The following STK33 variants were observed in gnomAD, a reference collection of about 807,000 sequenced individuals.
STK33 encodes the protein serine/threonine kinase 33.
In STK33, 52 loss-of-function variants were observed where a neutral mutation model predicts 58.0. That is an observed-to-expected ratio of 0.90 (90% CI 0.72 to 1.13). STK33 has a LOEUF of 1.13. Ranked by LOEUF, STK33 falls within the 50% of genes most tolerant of loss-of-function variation. The pLI is 0.00. For missense variants in STK33, 630 were observed against 604.2 expected (o/e 1.04, Z -0.45); for synonymous variants, 215 against 200.1 (o/e 1.07, Z -0.63).
chr11:8,495,032 T>C (rs891804084), intron 1 of STK33, among the ~76,000 whole-genome samples: 92 of 152,140 alleles, frequency 6.0e-4, no homozygotes, highest in African/African-American at 2.0e-3. Flanking sequence ...GACATAGGCA[T>C]GGGCAAAGAA....
intron 7 of STK33, among the ~76,000 whole-genome samples, chr11:8,464,246 G>A (rs913055449): frequency 1.6e-4 from 25 of 152,070 alleles, no homozygotes; most frequent in African/African-American, 6.0e-4. Context: ...GTTAGTTGAA[G>A]CAAAAAGTGG....
chr11:8,356,441 G>A, the STK33 span, among the ~76,000 whole-genome samples: 1 of 152,190 alleles, frequency 6.6e-6, no homozygotes, highest in Non-Finnish European at 1.5e-5. Context: ...GAGGACCGAC[G>A]GCTCGCCACT....
intron 11 of STK33, among the ~76,000 whole-genome samples, chr11:8,442,553 T>C (rs1187314585): frequency 6.6e-6 from 1 of 152,212 alleles, no homozygotes; most frequent in African/African-American, 2.4e-5. Context: ...ACAAACCATC[T>C]GTCTTCTCTC....
the STK33 span, among the ~76,000 whole-genome samples, chr11:8,358,024 G>A: frequency 1.5e-4 from 23 of 152,328 alleles, no homozygotes; most frequent in Non-Finnish European, 2.8e-4. Context: ...CCCCATACAG[G>A]CTCCTGGTGT....
chr11:8,478,574 TAC>T (rs1949500073), intron 2 of STK33, among the ~76,000 whole-genome samples: 1 of 152,182 alleles, frequency 6.6e-6, no homozygotes. Context: ...CCCTAGAAGA[TAC>T]ACTTACAGCA....
At chr11:8,547,298 TC>T (rs1955999724) in intron 1 of STK33, among the ~76,000 whole-genome samples, 1 of 152,232 alleles carries the variant, frequency 6.6e-6, no homozygotes, top group African/African-American at 2.4e-5. Flanking sequence ...CACTGAAACC[TC>T]CGCCTCCCGG....
At chr11:8,353,001 C>A in the STK33 span, among the ~76,000 whole-genome samples, 57,844 of 152,030 alleles carry the variant, frequency 0.38, 11,292 homozygotes, top group Admixed American at 0.48. Flanking sequence ...CCTGGCCCCG[C>A]GTGCTGCTAG....
At chr11:8,544,236 C>T (rs1955738457) in intron 1 of STK33, among the ~76,000 whole-genome samples, 1 of 150,582 alleles carries the variant, frequency 6.6e-6, no homozygotes, top group African/African-American at 2.4e-5. Flanking sequence ...GTTCAACTCC[C>T]ACTTATAAGA....
intron 15 of STK33, among the ~76,000 whole-genome samples, chr11:8,399,406 T>C (rs1341705454): frequency 6.6e-6 from 1 of 152,168 alleles, no homozygotes; most frequent in Non-Finnish European, 1.5e-5. Flanking sequence ...ATAAAGATGT[T>C]CTTTGAAACC....
the STK33 span, among the ~76,000 whole-genome samples, chr11:8,366,763 C>T: frequency 2.0e-5 from 3 of 152,184 alleles, no homozygotes; most frequent in Admixed American, 6.5e-5. Flanking sequence ...CCACAGGGAT[C>T]GATGAGAAGT....
intron 15 of STK33, among the ~76,000 whole-genome samples, chr11:8,397,399 G>T (rs181041047): frequency 1.3e-5 from 2 of 152,320 alleles, no homozygotes; most frequent in East Asian, 1.9e-4. Flanking sequence ...GCAGGTGAGG[G>T]TCCTGACTGT....
chr11:8,487,786 T>C (rs1950292689), intron 1 of STK33, among the ~76,000 whole-genome samples: 1 of 152,124 alleles, frequency 6.6e-6, no homozygotes, highest in African/African-American at 2.4e-5. Flanking sequence ...CTCCAAAATT[T>C]TTCTCATCCA....
chr11:8,553,646 A>G (rs1343717938), intron 1 of STK33, among the ~76,000 whole-genome samples: 1 of 152,192 alleles, frequency 6.6e-6, no homozygotes, highest in Non-Finnish European at 1.5e-5. Context: ...AGAAGCCCAC[A>G]CATTAATAGT....
At chr11:8,349,354 G>A in the STK33 span, among the ~76,000 whole-genome samples, 2 of 152,148 alleles carry the variant, frequency 1.3e-5, no homozygotes, top group Admixed American at 1.3e-4. Context: ...GTGCCCTGAA[G>A]CCTTTTATCC....
chr11:8,508,009 G>A (rs1243372295), intron 1 of STK33, among the ~76,000 whole-genome samples: 2 of 152,070 alleles, frequency 1.3e-5, no homozygotes, highest in African/African-American at 4.8e-5. Context: ...TTCCATCTCA[G>A]CTTCCCAAGT....
chr11:8,410,470 C>CTTTTTTTT lies in STK33; in HGVS notation c.1344+3017_1344+3024dup, dbSNP rs11382344. On this transcript the variant is annotated intron_variant, in intron 15 of 15. Transcript: ENST00000687296. The stretch of plus-strand genomic sequence containing the variant: ...GCAAAAATCTATTTTCTTTTCTTTT[C>CTTTTTTTT]TTTTTTTTTTTTTTTTTTCTGAGAC... 4.1e-3 allele frequency among the ~76,000 whole-genome samples: 498 copies of CTTTTTTTT among 121,748 alleles called. 1 individual carries two copies. Among genetic ancestry groups the CTTTTTTTT allele is most frequent in the Non-Finnish European group, 5.7e-3 (342 of 60,476 alleles). The allele number at this position is 121,748 out of a possible 152,430, so 79.9% of individuals were successfully genotyped here.
At chr11:8,448,010 T>C (rs1449108532) in intron 11 of STK33, among the ~76,000 whole-genome samples, 1 of 152,088 alleles carries the variant, frequency 6.6e-6, no homozygotes, top group Non-Finnish European at 1.5e-5. Context: ...GACAGCCAAA[T>C]CGTTAGTGAA....
chr11:8,491,202 A>T (rs1950583155), intron 1 of STK33, among the ~76,000 whole-genome samples: 1 of 152,220 alleles, frequency 6.6e-6, no homozygotes, highest in Non-Finnish European at 1.5e-5. Flanking sequence ...TTGAAAAAAG[A>T]TTAGACGAAT....
At chr11:8,382,739 G>A in the STK33 span, among the ~76,000 whole-genome samples, 1 of 152,148 alleles carries the variant, frequency 6.6e-6, no homozygotes, top group African/African-American at 2.4e-5. Flanking sequence ...GGCATCCTCT[G>A]GCAAGCAGGC....
Sources: gnomAD v4.1 joint callset for allele counts (sites outside exome capture counted in the v4.1 genomes callset) on GRCh38, gnomAD v4.1.1 for gene constraint, MANE v1.5 for transcripts, NCBI Gene and HGNC (gene_info 2026-07-23, HGNC 2026-07-21) for gene names.